The following ABCC12 variants were observed in gnomAD, a reference collection of about 807,000 sequenced individuals.
ABCC12 encodes ATP binding cassette subfamily C member 12, also known as ATP-binding cassette sub-family C member 12.
In ABCC12, 142 loss-of-function variants were observed where a neutral mutation model predicts 151.1. That is an observed-to-expected ratio of 0.94 (90% CI 0.82 to 1.08). ABCC12 has a LOEUF of 1.08. Among genes scored for constraint, ABCC12 ranks in the 50% least tolerant of loss-of-function variants. The pLI is 0.00. For synonymous variants in ABCC12, 645 were observed against 646.4 expected, an observed-to-expected ratio of 1.00 and a Z score of 0.03; for missense variants, 1,638 against 1,691.1, an observed-to-expected ratio of 0.97 and a Z score of 0.55.
chr16:48,111,848 G>A lies in ABCC12; in HGVS notation c.2052C>T (p.Thr684=). ...LEDGEICEKG[T]HKELMEERGR... is the part of the protein sequence containing the mutation. ...CTCTCTCCTCCATTAACTCCTTGTGGGTTCCCTTTTCACAAATCTCTCCAT... is the reference window on the plus strand; with the variant it reads ...CTCTCTCCTCCATTAACTCCTTGTGAGTTCCCTTTTCACAAATCTCTCCAT... Residue 684 remains threonine, a synonymous_variant, in exon 16 of 31, where the codon ACC becomes ACT. Coordinates refer to ENST00000311303, the MANE Select transcript of ABCC12 (RefSeq NM_001393797.1). 2.5e-6 allele frequency: 4 copies of A among 1,614,102 alleles called. No individual in the cohort carries two copies. The South Asian group carries it at 4.4e-5, about 18-fold the overall frequency.
At chr16:48,133,016 T>C (rs1964481801) in intron 9 of ABCC12, among the ~76,000 whole-genome samples, 1 of 152,224 alleles carries the variant, frequency 6.6e-6, no homozygotes, top group South Asian at 2.1e-4. Context: ...TCTTAATACC[T>C]ATACCTCCTC....
rs774781146 is a variant in ABCC12 at position 48,121,794 on chromosome 16, T to C, written c.1634A>G (p.Tyr545Cys). ...AAAGATCCATGCCTGCTGTGAAACG[T>C]AGGCCAAAGTTCCATTGACTGCCAC... Reference protein sequence around the residue: ...GVVAVNGTLAYVSQQAWIFHG... With the variant: ...GVVAVNGTLACVSQQAWIFHG... The change falls in exon 13 of 31, where the codon TAC (tyrosine) becomes TGC (cysteine). Residue 545 changes from tyrosine (Y) to cysteine (C), a missense_variant. Tyr to Cys is a radical substitution (Grantham distance 194). Coordinates refer to ENST00000311303, the MANE Select transcript of ABCC12 (RefSeq NM_001393797.1). 2.5e-6 allele frequency: 4 copies of C among 1,614,214 alleles called. No homozygotes were observed. The highest frequency in any genetic ancestry group is 3.4e-6 in the Non-Finnish European group (4 of 1,180,036).
chr16:48,122,119 T>C (rs894038494), intron 12 of ABCC12, among the ~76,000 whole-genome samples: 3 of 152,210 alleles, frequency 2.0e-5, no homozygotes, highest in African/African-American at 7.2e-5. Flanking sequence ...CTGCTCCCAG[T>C]GCACATGGCA....
At position 48,133,475 on chromosome 16, in the gene ABCC12, G is replaced by A. The variant is rs552144986; in HGVS notation, c.1128+212C>T. ...CAGGAGGCAGAGGTTGCAGTCAGCC[G>A]CCATCACGCCACTGCACTCCAGCCT... On this transcript the variant is annotated intron_variant, in intron 9 of 30. Coordinates refer to ENST00000311303, the MANE Select transcript of ABCC12 (RefSeq NM_001393797.1). 1.4e-3 allele frequency among the ~76,000 whole-genome samples: 216 copies of A among 150,290 alleles called. 1 individual carries two copies. Among genetic ancestry groups the A allele is most frequent in the Non-Finnish European group, 2.6e-3 (173 of 67,824 alleles).
chr16:48,090,903 G>A (rs961786888), intron 25 of ABCC12, among the ~76,000 whole-genome samples: 3 of 152,088 alleles, frequency 2.0e-5, no homozygotes, highest in African/African-American at 7.2e-5. Context: ...TGGAGACAGG[G>A]TTTCACCATG....
Position 48,106,451 on chromosome 16 carries a change from C to T in ABCC12, c.2475+871G>A, listed in dbSNP as rs1963495424. ...TTAATCAGCCAATGGCAGTGGGACTCCTGGGGAAGCACCAAGCCTGTGAGG... is the reference window on the plus strand; with the variant it reads ...TTAATCAGCCAATGGCAGTGGGACTTCTGGGGAAGCACCAAGCCTGTGAGG... On this transcript the variant is annotated intron_variant, in intron 20 of 30. Coordinates refer to ENST00000311303, the MANE Select transcript of ABCC12 (RefSeq NM_001393797.1). Among the ~76,000 whole-genome samples the T allele has an allele frequency of 3.3e-5, 5 of 152,204 alleles. No homozygotes were observed. The South Asian group carries it at 1.0e-3, about 31-fold the overall frequency.
intron 24 of ABCC12, 152 bp downstream of exon 24, chr16:48,096,594 T>C: frequency 3.7e-6 from 3 of 821,132 alleles, no homozygotes; most frequent in Non-Finnish European, 5.9e-6. Flanking sequence ...CACACAACCA[T>C]CCTACTTTTT....
intron 8 of ABCC12, among the ~76,000 whole-genome samples, chr16:48,136,445 T>C (rs1331797142): frequency 6.6e-6 from 1 of 152,080 alleles, no homozygotes; most frequent in Admixed American, 6.5e-5. Flanking sequence ...CCCCATAGAA[T>C]AACGTGAATT....
intron 18 of ABCC12, 102 bp downstream of exon 18, chr16:48,111,334 G>C: frequency 1.4e-6 from 2 of 1,390,538 alleles, no homozygotes. Context: ...AATTCTGGCT[G>C]CCCAAAATGA....
intron 29 of ABCC12, among the ~76,000 whole-genome samples, chr16:48,084,458 T>C (rs1962497455): frequency 6.6e-6 from 1 of 152,188 alleles, no homozygotes; most frequent in Middle Eastern, 3.2e-3. Flanking sequence ...TACCAAACAA[T>C]CACAAACTTA....
rs190589068 is a variant in ABCC12, at chr16:48,111,674, A to G, written c.2125-12T>C. 324 of 1,614,128 alleles carry G rather than the reference A, an allele frequency of 2.0e-4. 4 individuals carry two copies. The East Asian group carries it at 6.6e-3, about 33-fold the overall frequency. On this transcript the variant is annotated splice_polypyrimidine_tract_variant and intron_variant, in intron 16 of 30. Transcript: ENST00000311303. Reference sequence around the variant, plus strand: ...AGGTGTTCAGGATCCTGGAGACAAAATGAAATTCCTTCTGAATGCTAAGTG... The same window carrying G: ...AGGTGTTCAGGATCCTGGAGACAAAGTGAAATTCCTTCTGAATGCTAAGTG...
At chr16:48,143,596 C>A (rs1964894591) in intron 4 of ABCC12, among the ~76,000 whole-genome samples, 1 of 152,164 alleles carries the variant, frequency 6.6e-6, no homozygotes, top group African/African-American at 2.4e-5. Context: ...CTCCACCTGT[C>A]GTGGGAGGGA....
At chr16:48,128,391 G>A (rs2150650306) in intron 11 of ABCC12, 68 bp downstream of exon 11, 3 of 1,579,658 alleles carry the variant, frequency 1.9e-6, no homozygotes, top group African/African-American at 1.3e-5. Flanking sequence ...TATCAGACCT[G>A]GAGAAGGCTG....
At chr16:48,098,555 C>T (rs909059084) in intron 23 of ABCC12, among the ~76,000 whole-genome samples, 2 of 152,314 alleles carry the variant, frequency 1.3e-5, no homozygotes, top group African/African-American at 4.8e-5. Context: ...TTCTTCAAAA[C>T]ACAGTGCTGT....
chr16:48,155,031 T>A (rs1255525166), intron 1 of ABCC12, among the ~76,000 whole-genome samples: 4 of 152,270 alleles, frequency 2.6e-5, no homozygotes, highest in African/African-American at 9.6e-5. Context: ...GCACCGCACC[T>A]CTCCTGTCTG....
intron 11 of ABCC12, among the ~76,000 whole-genome samples, chr16:48,126,719 T>C (rs1261873244): frequency 2.0e-5 from 3 of 152,144 alleles, no homozygotes; most frequent in Non-Finnish European, 4.4e-5. Context: ...AGCTAGGAAG[T>C]GGCTGGGCCT....
intron 11 of ABCC12, among the ~76,000 whole-genome samples, chr16:48,125,577 G>T (rs1396589884): frequency 1.8e-4 from 27 of 152,240 alleles, no homozygotes. Context: ...CAGGCAAACA[G>T]CCCATGTGGA....
At chr16:48,117,740 G>A (rs993744127) in intron 13 of ABCC12, among the ~76,000 whole-genome samples, 4 of 152,204 alleles carry the variant, frequency 2.6e-5, no homozygotes, top group South Asian at 2.1e-4. Flanking sequence ...AAGCAGGACC[G>A]TGGGTGGAAG....
intron 9 of ABCC12, 136 bp downstream of exon 9, chr16:48,133,551 G>T: frequency 2.0e-6 from 2 of 992,654 alleles, no homozygotes; most frequent in Non-Finnish European, 2.9e-6. Flanking sequence ...AAAAGTTGGA[G>T]TTGAAGTCAC....
Sources: allele counts gnomAD v4.1 joint callset (sites outside exome capture counted in the v4.1 genomes callset), GRCh38; gene constraint gnomAD v4.1.1; transcripts MANE v1.5; gene names NCBI Gene and HGNC (gene_info 2026-07-23, HGNC 2026-07-21).